GRAMD1B: variants seen among roughly 807,000 people sequenced by gnomAD.
GRAMD1B encodes GRAM domain containing 1B, also known as protein Aster-B.
A neutral mutation model predicts 99.7 loss-of-function variants in GRAMD1B; 37 were observed. The ratio of observed to expected loss-of-function variants is 0.37; its 90% CI spans 0.29 to 0.49. GRAMD1B has a LOEUF of 0.49. Among genes scored for constraint, GRAMD1B ranks in the 20% least tolerant of loss-of-function variants. The pLI, the probability that GRAMD1B is intolerant of heterozygous loss-of-function variation, is 0.98. For missense variants in GRAMD1B, 888 were observed against 1,009.2 expected (o/e 0.88, Z 1.63); for synonymous variants, 427 against 387.6 (o/e 1.10, Z -1.19).
rs1047468210 is a variant in GRAMD1B, at chr11:123,623,261, A to C, written c.*666A>C. On this transcript the variant is annotated 3_prime_UTR_variant, in exon 20 of 20. Transcript: ENST00000635736. ...GGATACTCTCCTCCATCACCCCTGCACCTTCCTCCGACCTGTGTAGGGTGT... is the reference window on the plus strand; with the variant it reads ...GGATACTCTCCTCCATCACCCCTGCCCCTTCCTCCGACCTGTGTAGGGTGT... 4 of 151,966 alleles carry C rather than the reference A, an allele frequency of 2.6e-5. No individual in the cohort carries two copies. Among genetic ancestry groups the C allele is most frequent in the African/African-American group, 7.3e-5 (3 of 41,354 alleles). 9.4% of individuals were successfully genotyped at this position (151,966 alleles called of 1,614,324 possible).
In GRAMD1B at chr11:123,501,362, G is replaced by A. The variant is rs192374654; in HGVS notation, c.452+20469G>A. ...ATTTTTTAATTTTTACTAGAGATGC[G>A]GTCTCATCATGTTGGCCAGGCTGGT... is the stretch of plus-strand genomic sequence containing the variant. On this transcript the variant is annotated intron_variant, in intron 2 of 19. Transcript: ENST00000635736. 1.4e-3 allele frequency among the ~76,000 whole-genome samples: 211 copies of A among 151,766 alleles called. 2 individuals carry two copies. Among genetic ancestry groups the A allele is most frequent in the Non-Finnish European group, 1.3e-4 (9 of 67,898 alleles).
At position 123,430,994 on chromosome 11, in the gene GRAMD1B, T is replaced by G; in HGVS notation, c.202T>G (p.Leu68Val). The G allele has an allele frequency of 1.4e-6, 1 of 702,892 alleles. No individual in the cohort carries two copies. The highest frequency in any genetic ancestry group is 1.5e-5 in the South Asian group (1 of 67,596). 43.5% of individuals were successfully genotyped at this position (702,892 alleles called of 1,614,324 possible). The change falls in exon 1 of 20, where the codon TTG becomes GTG. Residue 68 changes from leucine to valine, a missense_variant. This residue lies in a region of GRAMD1B where 233 missense variants were observed against 154.6 expected (regional missense o/e 1.51). Transcript: ENST00000635736. ...AGLARDLPAV[L>V]APGKEFLQLP... is the part of the protein sequence containing the mutation. ...GCTGGCCCGGGACCTGCCCGCCGTC[T>G]TGGCCCCCGGCAAGGAGTTCCTGCA...
intron 4 of GRAMD1B, among the ~76,000 whole-genome samples, chr11:123,590,790 G>A (rs1021461399): frequency 6.6e-6 from 1 of 152,218 alleles, no homozygotes; most frequent in African/African-American, 2.4e-5. Flanking sequence ...CCAGGGTAGA[G>A]GTTGATTAAA....
chr11:123,428,213 T>C (rs576968202), upstream of GRAMD1B, among the ~76,000 whole-genome samples: 2 of 152,156 alleles, frequency 1.3e-5, no homozygotes, highest in Non-Finnish European at 2.9e-5. Context: ...TCAGATCCCT[T>C]GCAAAACACT....
intron 2 of GRAMD1B, among the ~76,000 whole-genome samples, chr11:123,523,998 A>T (rs985970445): frequency 1.2e-4 from 19 of 152,038 alleles, no homozygotes; most frequent in African/African-American, 4.6e-4. Context: ...AGTATACCTT[A>T]TTTTTTTCTT....
chr11:123,362,015 G>T (rs1946162499), intron 1 of GRAMD1B, among the ~76,000 whole-genome samples: 1 of 152,234 alleles, frequency 6.6e-6, no homozygotes, highest in African/African-American at 2.4e-5. Context: ...CTCATACACA[G>T]ATCTATAAGA....
intron 2 of GRAMD1B, chr11:123,525,886 G>T: frequency 1.9e-6 from 1 of 532,426 alleles, no homozygotes; most frequent in East Asian, 3.1e-5. Context: ...TCGGGCAGGC[G>T]GCTCCAGCCC....
intron 2 of GRAMD1B, among the ~76,000 whole-genome samples, chr11:123,549,925 G>A (rs536300824): frequency 6.6e-6 from 1 of 152,162 alleles, no homozygotes; most frequent in South Asian, 2.1e-4. Flanking sequence ...GGACATGTAT[G>A]GGAAAAATGG....
Position 123,550,192 on chromosome 11 carries a change from C to G in GRAMD1B, c.453-27175C>G, listed in dbSNP as rs548001464. Among the ~76,000 whole-genome samples the G allele has an allele frequency of 8.5e-5, 13 of 152,328 alleles. No homozygotes were observed. The South Asian group carries it at 1.7e-3, about 19-fold the overall frequency. On this transcript the variant is annotated intron_variant, in intron 2 of 19. Transcript: ENST00000635736. ...AATTAAAGAGGAGCTGGATTCGATG[C>G]TTGAAAATGAATTCCGTGCTTTACT... is the stretch of plus-strand genomic sequence containing the variant.
chr11:123,607,627 A>G (rs1394871557), intron 11 of GRAMD1B, among the ~76,000 whole-genome samples: 5 of 152,196 alleles, frequency 3.3e-5, no homozygotes, highest in African/African-American at 9.7e-5. Flanking sequence ...CACATAAACT[A>G]AGGTGTGAAT....
intron 1 of GRAMD1B, among the ~76,000 whole-genome samples, chr11:123,364,147 GT>G (rs1360955585): frequency 2.6e-5 from 4 of 152,128 alleles, no homozygotes; most frequent in Non-Finnish European, 4.4e-5. Context: ...TTAAAATGCT[GT>G]TTTTACAAGT....
At chr11:123,472,742 G>A (rs556872056) in intron 1 of GRAMD1B, among the ~76,000 whole-genome samples, 2 of 152,210 alleles carry the variant, frequency 1.3e-5, no homozygotes, top group South Asian at 4.2e-4. Flanking sequence ...GGGGAAGGCT[G>A]GCCACTCCAC....
chr11:123,496,715 T>TA (rs1194475680), intron 2 of GRAMD1B, among the ~76,000 whole-genome samples: 1 of 151,816 alleles, frequency 6.6e-6, no homozygotes, highest in Non-Finnish European at 1.5e-5. Flanking sequence ...TTCCTTCTGC[T>TA]TGACCAGTTC....
At chr11:123,583,508 A>G (rs951597598) in intron 3 of GRAMD1B, among the ~76,000 whole-genome samples, 9 of 152,206 alleles carry the variant, frequency 5.9e-5, no homozygotes, top group East Asian at 3.9e-4. Context: ...GTGTCCATCT[A>G]TCTTTCAAGG....
intron 1 of GRAMD1B, among the ~76,000 whole-genome samples, chr11:123,468,744 C>T (rs1163384035): frequency 6.7e-6 from 1 of 148,926 alleles, no homozygotes; most frequent in Non-Finnish European, 1.5e-5. Flanking sequence ...TTGCAGTGAG[C>T]CAAGATCCTG....
At chr11:123,598,966 A>G in intron 7 of GRAMD1B, 1 of 1,033,466 alleles carries the variant, frequency 9.7e-7, no homozygotes, top group Non-Finnish European at 1.5e-6. Flanking sequence ...ATGGACAGGT[A>G]TGTGATATAA....
At chr11:123,497,632 G>C (rs935463771) in intron 2 of GRAMD1B, among the ~76,000 whole-genome samples, 6 of 152,182 alleles carry the variant, frequency 3.9e-5, no homozygotes, top group African/African-American at 1.4e-4. Flanking sequence ...GCCAGGTGCT[G>C]TGGCTCACGC....
chr11:123,378,945 C>T (rs1228342432), intron 1 of GRAMD1B, among the ~76,000 whole-genome samples: 1 of 152,116 alleles, frequency 6.6e-6, no homozygotes, highest in African/African-American at 2.4e-5. Context: ...TCTTGTTATT[C>T]TTTTCTTTTT....
intron 1 of GRAMD1B, among the ~76,000 whole-genome samples, chr11:123,377,414 G>A (rs2135766824): frequency 6.6e-6 from 1 of 152,278 alleles, no homozygotes; most frequent in East Asian, 1.9e-4. Flanking sequence ...AATGCGTGGT[G>A]GGTGCAGGAA....
Sources: allele counts gnomAD v4.1 joint callset (sites outside exome capture counted in the v4.1 genomes callset), GRCh38; gene constraint gnomAD v4.1.1; regional missense constraint gnomAD v4.1.1; transcripts MANE v1.5; gene names NCBI Gene and HGNC (gene_info 2026-07-23, HGNC 2026-07-21).